The following ACSF2 variants were observed in gnomAD, a reference collection of about 807,000 sequenced individuals.
The protein encoded by ACSF2 is acyl-CoA synthetase family member 2, also known as medium-chain acyl-CoA ligase ACSF2, mitochondrial.
Under a neutral mutation model 79.3 loss-of-function variants are expected in ACSF2, and 52 were observed. The ratio of observed to expected loss-of-function variants is 0.66; its 90% confidence interval spans 0.53 to 0.83. The LOEUF is 0.83. ACSF2 is among the 40% of genes least tolerant of loss of function. The pLI is 0.00. For missense variants in ACSF2, 661 were observed against 803.3 expected (o/e 0.82, Z 2.14); for synonymous variants, 283 against 312.6 (o/e 0.91, Z 1.00).
At chr17:50,440,288 C>T (rs1304166870) in intron 1 of ACSF2, among the ~76,000 whole-genome samples, 1 of 152,152 alleles carries the variant, frequency 6.6e-6, no homozygotes, top group African/African-American at 2.4e-5. Flanking sequence ...AGTCTCTGGG[C>T]CCCTCACAAA....
In ACSF2 at chr17:50,474,629, A is replaced by G; in HGVS notation, c.*77A>G. The G allele has an allele frequency of 7.0e-7, 1 of 1,422,134 alleles. No individual in the cohort carries two copies. The highest frequency in any genetic ancestry group is 2.3e-5 in the East Asian group (1 of 43,928). The allele number at this position is 1,422,134 out of a possible 1,614,324, so 88.1% of individuals were successfully genotyped here. A position where few individuals can be genotyped will look rare whatever the true frequency, so the allele number is the denominator to read the frequency against. ...ATGCAACCTGGCTTTATGCACCTAG[A>G]TGTCCCCAGCACCCAGTTCTGAGCC... is the stretch of plus-strand genomic sequence containing the variant. On this transcript the variant is annotated 3_prime_UTR_variant, in exon 16 of 16. Coordinates refer to ENST00000300441, the MANE Select transcript of ACSF2 (RefSeq NM_025149.6). The surrounding 1 kb of genome is among the most constrained non-coding windows in gnomAD (Gnocchi z 4.2).
chr17:50,470,859 C>T, intron 10 of ACSF2, 169 bp from the exon 11 acceptor site: 1 of 612,126 alleles, frequency 1.6e-6, no homozygotes, highest in South Asian at 1.8e-5. Flanking sequence ...CTCCCAGCAC[C>T]TCTGCCTCCT....
intron 10 of ACSF2, chr17:50,464,773 G>GGGA (rs2032580254): frequency 3.0e-6 from 1 of 333,604 alleles, no homozygotes; most frequent in Non-Finnish European, 5.9e-6. Context: ...TTGACTTGGG[G>GGGA]GGGGGGTCTC....
At chr17:50,436,631 G>T (rs8079050) in intron 1 of ACSF2, among the ~76,000 whole-genome samples, 1,558 of 149,810 alleles carry the variant, frequency 0.01, 18 homozygotes, top group African/African-American at 0.035. Context: ...ACAGGGTTTC[G>T]CCATGTTGGT....
At chr17:50,426,921 G>T (rs898253426) in intron 1 of ACSF2, 1 of 1,535,744 alleles carries the variant, frequency 6.5e-7, no homozygotes, top group African/African-American at 1.4e-5. Context: ...GGGTGGGATG[G>T]AAGCTGGCAG....
At chr17:50,434,555 A>G (rs556801008) in intron 1 of ACSF2, among the ~76,000 whole-genome samples, 2 of 151,904 alleles carry the variant, frequency 1.3e-5, no homozygotes, top group Admixed American at 6.6e-5. Context: ...GCATGGTGGC[A>G]TGCACCTGTA....
At chr17:50,431,277 A>G (rs2029900723) in intron 1 of ACSF2, among the ~76,000 whole-genome samples, 1 of 152,230 alleles carries the variant, frequency 6.6e-6, no homozygotes, top group Non-Finnish European at 1.5e-5. Flanking sequence ...ATGTAAAGGT[A>G]ATAAAAAGAT....
chr17:50,433,696 G>A (rs1413280334), intron 1 of ACSF2, among the ~76,000 whole-genome samples: 2 of 152,068 alleles, frequency 1.3e-5, no homozygotes, highest in African/African-American at 4.8e-5. Flanking sequence ...ACGGCTCACT[G>A]TAGCCTTGAC....
chr17:50,430,735 A>G (rs2143475182), intron 1 of ACSF2, among the ~76,000 whole-genome samples: 1 of 152,332 alleles, frequency 6.6e-6, no homozygotes, highest in East Asian at 1.9e-4. Flanking sequence ...TTAAAATGAT[A>G]TAAGCTATTG....
rs768160398 is a variant in ACSF2 at position 50,468,731 on chromosome 17, T to A, written c.1216-2297T>A. 3.1e-6 allele frequency: 5 copies of A among 1,609,838 alleles called. No homozygotes were observed. The African/African-American group carries it at 5.3e-5, about 17-fold the overall frequency. On this transcript the variant is annotated intron_variant, in intron 10 of 15. Coordinates refer to ENST00000300441, the MANE Select transcript of ACSF2 (RefSeq NM_025149.6). ...GACGTGCTGCAGGTCGCTGTGGCAG[T>A]GGCAGTTCTGGGGGCAGGCGGCCAG...
chr17:50,426,995 T>G (rs1359720039), intron 1 of ACSF2: 5 of 1,535,458 alleles, frequency 3.3e-6, no homozygotes, highest in Non-Finnish European at 4.4e-6. Flanking sequence ...TAAAGCTGCC[T>G]TCCCGGTGTG....
intron 10 of ACSF2, among the ~76,000 whole-genome samples, chr17:50,466,993 A>G (rs1403797943): frequency 6.6e-6 from 1 of 152,100 alleles, no homozygotes; most frequent in South Asian, 2.1e-4. Flanking sequence ...TTCTGCCCAC[A>G]TCTCCACACC....
At chr17:50,434,900 C>T (rs1203762126) in intron 1 of ACSF2, among the ~76,000 whole-genome samples, 2 of 151,430 alleles carry the variant, frequency 1.3e-5, no homozygotes, top group Admixed American at 1.3e-4. Context: ...GACAGAGTTT[C>T]ACTGTTGTTG....
At chr17:50,462,340 A>G (rs1239746612) in intron 5 of ACSF2, 38 bp downstream of exon 5, 1 of 1,612,860 alleles carries the variant, frequency 6.2e-7, no homozygotes, top group South Asian at 1.1e-5. Context: ...TGCATCATTC[A>G]GCATCCCTGA....
intron 1 of ACSF2, chr17:50,426,845 C>T: frequency 6.7e-7 from 1 of 1,497,116 alleles, no homozygotes; most frequent in Non-Finnish European, 9.0e-7. Context: ...ATCAGCTGCT[C>T]ACTAACATGG....
intron 1 of ACSF2, among the ~76,000 whole-genome samples, chr17:50,436,351 G>A (rs546165740): frequency 3.9e-5 from 6 of 151,966 alleles, no homozygotes; most frequent in Admixed American, 6.6e-5. Context: ...AGTTGGTCTC[G>A]ATCTCCTGAC....
In ACSF2 at chr17:50,436,968, A is replaced by G. The variant is rs181091226; in HGVS notation, c.128+10579A>G. On this transcript the variant is annotated intron_variant, in intron 1 of 15. Coordinates refer to ENST00000300441, the MANE Select transcript of ACSF2 (RefSeq NM_025149.6). Reference sequence around the variant, plus strand: ...AATTTTATTTCAAGATAAAACAGCTATTACAGGTTCAGACTCAGCAGTTCA... The same window carrying G: ...AATTTTATTTCAAGATAAAACAGCTGTTACAGGTTCAGACTCAGCAGTTCA... Among the ~76,000 whole-genome samples the G allele has an allele frequency of 7.7e-4, 117 of 152,348 alleles. 5 individuals are homozygous for G. In the East Asian group the frequency reaches 0.019, roughly 25 times the overall value.
intron 12 of ACSF2, 88 bp downstream of exon 12, chr17:50,472,667 G>A (rs1008256907): frequency 1.2e-5 from 18 of 1,453,514 alleles, no homozygotes; most frequent in African/African-American, 2.9e-5. Flanking sequence ...ACCTGGCACC[G>A]TGAGGATGTG....
At chr17:50,448,021 G>A (rs545209597) in intron 1 of ACSF2, among the ~76,000 whole-genome samples, 2 of 152,306 alleles carry the variant, frequency 1.3e-5, no homozygotes, top group Non-Finnish European at 2.9e-5. Context: ...AAACTCTTGG[G>A]TTTATATGTA....
Sources: allele counts gnomAD v4.1 joint callset (sites outside exome capture counted in the v4.1 genomes callset), GRCh38; gene constraint gnomAD v4.1.1; non-coding constraint Gnocchi (gnomAD v3.1); transcripts MANE v1.5; gene names NCBI Gene and HGNC (gene_info 2026-07-23, HGNC 2026-07-21).